PRKN: variants seen among roughly 807,000 people sequenced by gnomAD.
PRKN encodes the protein E3 ubiquitin-protein ligase parkin.
In PRKN, 56 loss-of-function variants were observed where a neutral mutation model predicts 59.5. The observed-to-expected ratio is 0.94, with a 90% confidence interval of 0.76 to 1.18. The LOEUF is 1.18. Among genes scored for constraint, PRKN ranks in the 50% most tolerant of loss-of-function variants. The pLI, the probability that PRKN is intolerant of heterozygous loss-of-function variation, is 0.00. For synonymous variants in PRKN, 250 were observed against 222.1 expected, an observed-to-expected ratio of 1.13 and a Z score of -1.12; for missense variants, 657 against 596.4, an observed-to-expected ratio of 1.10 and a Z score of -1.06.
At chr6:161,623,515 G>A (rs1356231571) in intron 7 of PRKN, among the ~76,000 whole-genome samples, 2 of 152,126 alleles carry the variant, frequency 1.3e-5, no homozygotes, top group Non-Finnish European at 2.9e-5. Context: ...GTAAGGGAGC[G>A]ACAGACAGCT....
intron 1 of PRKN, among the ~76,000 whole-genome samples, chr6:162,594,368 A>G (rs1476432929): frequency 1.3e-5 from 2 of 152,168 alleles, no homozygotes; most frequent in Non-Finnish European, 2.9e-5. Context: ...AATATATCCA[A>G]TGGATCTCAA....
intron 4 of PRKN, among the ~76,000 whole-genome samples, chr6:162,104,577 G>GTCT (rs1186863172): frequency 6.6e-6 from 1 of 151,946 alleles, no homozygotes; most frequent in East Asian, 1.9e-4. Context: ...TGACGTGCAA[G>GTCT]TGGATTACCA....
intron 1 of PRKN, among the ~76,000 whole-genome samples, chr6:162,623,679 T>G (rs550194538): frequency 1.4e-4 from 22 of 152,040 alleles, no homozygotes; most frequent in Non-Finnish European, 2.6e-4. Flanking sequence ...AAGGCTGTTG[T>G]CCAACAGGTC....
At chr6:162,486,622 C>T (rs1792551006) in intron 1 of PRKN, among the ~76,000 whole-genome samples, 2 of 152,160 alleles carry the variant, frequency 1.3e-5, no homozygotes, top group South Asian at 2.1e-4. Context: ...TTATCAAATG[C>T]CTTTTCAAAT....
chr6:161,629,666 T>A (rs895012767), intron 7 of PRKN, among the ~76,000 whole-genome samples: 4 of 152,094 alleles, frequency 2.6e-5, no homozygotes, highest in Non-Finnish European at 5.9e-5. Flanking sequence ...CATCCTGGTA[T>A]TCTCACCCAA....
intron 6 of PRKN, among the ~76,000 whole-genome samples, chr6:161,958,665 G>A (rs1289981730): frequency 6.6e-6 from 1 of 152,072 alleles, no homozygotes; most frequent in African/African-American, 2.4e-5. Context: ...GATCACCTGA[G>A]GTCAGGAGTT....
intron 1 of PRKN, among the ~76,000 whole-genome samples, chr6:162,521,989 T>C (rs1181649511): frequency 6.6e-6 from 1 of 152,226 alleles, no homozygotes; most frequent in Non-Finnish European, 1.5e-5. Flanking sequence ...CTTAGTGAGA[T>C]TACTTATAAA....
chr6:162,536,241 C>T (rs1343886046), intron 1 of PRKN, among the ~76,000 whole-genome samples: 1 of 152,074 alleles, frequency 6.6e-6, no homozygotes, highest in Non-Finnish European at 1.5e-5. Context: ...CTCAGCAATG[C>T]CTTCACTATA....
chr6:161,816,232 G>T (rs1429422357), intron 6 of PRKN, among the ~76,000 whole-genome samples: 1 of 152,072 alleles, frequency 6.6e-6, no homozygotes, highest in East Asian at 1.9e-4. Flanking sequence ...TAATGATGCT[G>T]TGTGAAAGAA....
chr6:162,279,485 G>T (rs1780790361), intron 2 of PRKN, among the ~76,000 whole-genome samples: 1 of 152,098 alleles, frequency 6.6e-6, no homozygotes, highest in South Asian at 2.1e-4. Context: ...GAAAAGAAAA[G>T]AAAAGAAAAG....
In PRKN at chr6:161,348,424, G is replaced by A. The variant is rs945120623; in HGVS notation, c.*1675C>T. On this transcript the variant is annotated 3_prime_UTR_variant, in exon 12 of 12. Coordinates refer to ENST00000366898, the MANE Select transcript of PRKN (RefSeq NM_004562.3). The surrounding 1 kb of genome is among the most constrained non-coding windows in gnomAD (Gnocchi z 4.9). ...GTCACCGTGGGGCCATGTTGGAGTCGGTAGATTTTCAGACAGTGAAGCCAC... is the reference window on the plus strand; with the variant it reads ...GTCACCGTGGGGCCATGTTGGAGTCAGTAGATTTTCAGACAGTGAAGCCAC... 5.8e-5 allele frequency: 13 copies of A among 223,980 alleles called. No homozygotes were observed. The highest frequency in any genetic ancestry group is 1.8e-4 in the South Asian group (1 of 5,464). 13.9% of individuals were successfully genotyped at this position (223,980 alleles called of 1,614,324 possible).
At chr6:161,644,555 G>T (rs990744769) in intron 7 of PRKN, among the ~76,000 whole-genome samples, 20 of 152,214 alleles carry the variant, frequency 1.3e-4, no homozygotes, top group Non-Finnish European at 2.1e-4. Flanking sequence ...ATTCAAGTGG[G>T]CTTGTCTCAT....
At chr6:162,637,085 T>G (rs1298417944) in intron 1 of PRKN, among the ~76,000 whole-genome samples, 4 of 151,316 alleles carry the variant, frequency 2.6e-5, no homozygotes, top group Non-Finnish European at 5.9e-5. Context: ...TGAAACCCCA[T>G]CTCTACTAAA....
intron 2 of PRKN, chr6:162,275,080 C>CCAA (rs1780572119): frequency 1.3e-5 from 1 of 76,246 alleles, no homozygotes; most frequent in Admixed American, 1.5e-4. Flanking sequence ...GACTCTGTCT[C>CCAA]AAAAAAAAAA....
intron 5 of PRKN, among the ~76,000 whole-genome samples, chr6:161,978,480 G>A (rs940168603): frequency 4.6e-5 from 7 of 152,168 alleles, no homozygotes; most frequent in Non-Finnish European, 1.0e-4. Context: ...GGCCTTTTTC[G>A]AAAATTCCAC....
chr6:162,070,310 T>A (rs1778519832), intron 4 of PRKN, among the ~76,000 whole-genome samples: 1 of 152,214 alleles, frequency 6.6e-6, no homozygotes, highest in Admixed American at 6.5e-5. Context: ...GGATCTTCCC[T>A]CATTTTGTAA....
At chr6:161,936,171 G>C (rs992269971) in intron 6 of PRKN, among the ~76,000 whole-genome samples, 1 of 151,594 alleles carries the variant, frequency 6.6e-6, no homozygotes, top group Non-Finnish European at 1.5e-5. Context: ...TGGTCGTCAG[G>C]CAAAGGCAAA....
chr6:162,546,530 C>T (rs1158700091), intron 1 of PRKN, among the ~76,000 whole-genome samples: 2 of 151,776 alleles, frequency 1.3e-5, no homozygotes, highest in East Asian at 3.9e-4. Flanking sequence ...TGCAACCTCC[C>T]CCTCTTGGGT....
intron 1 of PRKN, among the ~76,000 whole-genome samples, chr6:162,558,675 A>ATC (rs1408175850): frequency 4.0e-5 from 6 of 148,218 alleles, no homozygotes; most frequent in Non-Finnish European, 7.4e-5. Context: ...GTCTCATTCT[A>ATC]TCACTCAGGC....
Sources: gnomAD v4.1 joint callset for allele counts (sites outside exome capture counted in the v4.1 genomes callset) on GRCh38, gnomAD v4.1.1 for gene constraint, Gnocchi (gnomAD v3.1) non-coding constraint, MANE v1.5 for transcripts, NCBI Gene and HGNC (gene_info 2026-07-23, HGNC 2026-07-21) for gene names.